Variants in TMEM229B observed in about 807,000 individuals in gnomAD.
TMEM229B encodes transmembrane protein 229B.
A neutral mutation model predicts 13.7 loss-of-function variants in TMEM229B; 6 were observed. The observed-to-expected ratio is 0.44, with a 90% CI of 0.24 to 0.86. TMEM229B has a LOEUF of 0.86. Ranked by LOEUF, TMEM229B falls within the 40% of genes least tolerant of loss-of-function variation. TMEM229B has a pLI of 0.23. For synonymous variants in TMEM229B, 107 were observed against 102.1 expected (o/e 1.05, Z -0.29); for missense variants, 170 against 236.0 (o/e 0.72, Z 1.83).
chr14:67,530,654 T>C lies in TMEM229B; in HGVS notation c.-192+2982A>G, dbSNP rs1284914089. ...TATACACCCAAGGGCTTAATGTGCTTGAGGGATGCTAGAAATAATCTTTTA... is the reference window on the plus strand; with the variant it reads ...TATACACCCAAGGGCTTAATGTGCTCGAGGGATGCTAGAAATAATCTTTTA... On this transcript the variant is annotated intron_variant, in intron 1 of 2. Coordinates refer to the TMEM229B transcript ENST00000554278. Among the ~76,000 whole-genome samples the C allele has an allele frequency of 2.6e-5, 4 of 152,190 alleles. No homozygotes were observed. In the East Asian group the frequency reaches 5.8e-4, roughly 22 times the overall value.
chr14:67,525,573 G>A (rs912628099), intron 1 of TMEM229B, among the ~76,000 whole-genome samples: 4 of 152,176 alleles, frequency 2.6e-5, no homozygotes, highest in East Asian at 1.9e-4. Context: ...AAGAAAGGAC[G>A]CAAGAATCAC....
chr14:67,532,343 C>A (rs951659273), intron 1 of TMEM229B, among the ~76,000 whole-genome samples: 3 of 152,190 alleles, frequency 2.0e-5, no homozygotes, highest in African/African-American at 7.2e-5. Context: ...TGACAGAGAG[C>A]CTGCAGGGTT....
chr14:67,473,713 A>G lies in TMEM229B; in HGVS notation c.211T>C (p.Cys71Arg). Reference sequence around the variant, plus strand: ...ATGAGGCAGCGCAGGAGCAGCGGGCAGCGGCCGCGCAGCCGCAGGTACATG... The same window carrying G: ...ATGAGGCAGCGCAGGAGCAGCGGGCGGCGGCCGCGCAGCCGCAGGTACATG... ...ERMYLRLRGR[C>R]PLLLRCLIYT... The change falls in exon 3 of 3, where the codon TGC becomes CGC. Residue 71 changes from cysteine to arginine, a missense_variant. This residue lies in a region of TMEM229B where 57 missense variants were observed against 66.7 expected (regional missense o/e 0.85). Transcript: ENST00000554480. The surrounding 1 kb of genome is among the most constrained non-coding windows in gnomAD (Gnocchi z 6.5). The G allele has an allele frequency of 6.2e-7, 1 of 1,602,322 alleles. No homozygotes were observed.
chr14:67,480,107 C>T (rs566119480), intron 2 of TMEM229B, among the ~76,000 whole-genome samples: 1 of 152,242 alleles, frequency 6.6e-6, no homozygotes, highest in Non-Finnish European at 1.5e-5. Context: ...ATATACACTA[C>T]TTAAAATACA....
At chr14:67,511,202 G>A (rs1441487034) in intron 1 of TMEM229B, among the ~76,000 whole-genome samples, 1 of 152,162 alleles carries the variant, frequency 6.6e-6, no homozygotes, top group African/African-American at 2.4e-5. Context: ...AAGTCTAACT[G>A]CAAAAGCAGT....
chr14:67,530,134 A>G (rs946287706), intron 1 of TMEM229B, among the ~76,000 whole-genome samples: 31 of 152,204 alleles, frequency 2.0e-4, no homozygotes, highest in African/African-American at 7.5e-4. Flanking sequence ...AATCTTGTAA[A>G]CAGAGATTTA....
chr14:67,517,535 C>G (rs912824312), upstream of TMEM229B, among the ~76,000 whole-genome samples: 3 of 152,102 alleles, frequency 2.0e-5, no homozygotes, highest in African/African-American at 7.2e-5. Context: ...CAGAGAAGCT[C>G]TATTGTAGAA....
At chr14:67,487,444 A>C (rs1186383684) in intron 1 of TMEM229B, among the ~76,000 whole-genome samples, 1 of 152,204 alleles carries the variant, frequency 6.6e-6, no homozygotes, top group Non-Finnish European at 1.5e-5. Flanking sequence ...ACACTTGTGA[A>C]TCTGAGAGGG....
chr14:67,480,083 G>A (rs145774167), intron 2 of TMEM229B, among the ~76,000 whole-genome samples: 19 of 152,330 alleles, frequency 1.2e-4, no homozygotes, highest in African/African-American at 4.3e-4. Context: ...TTGTGAGGAC[G>A]AATGAACTCG....
chr14:67,526,022 G>C (rs2033362866), intron 1 of TMEM229B, among the ~76,000 whole-genome samples: 1 of 152,222 alleles, frequency 6.6e-6, no homozygotes, highest in Non-Finnish European at 1.5e-5. Context: ...TGCCTGCTCT[G>C]CTCCATCACC....
intron 2 of TMEM229B, among the ~76,000 whole-genome samples, chr14:67,477,873 C>T (rs1292768493): frequency 6.6e-6 from 1 of 152,176 alleles, no homozygotes; most frequent in African/African-American, 2.4e-5. Flanking sequence ...CAGTTAGAAC[C>T]AGCGGTCTCA....
upstream of TMEM229B, chr14:67,515,633 G>T (rs559221090): frequency 6.6e-6 from 1 of 152,312 alleles, no homozygotes; most frequent in African/African-American, 2.4e-5. Flanking sequence ...CCAGGGCCGC[G>T]GCGCAGGTGG....
At chr14:67,524,324 G>A (rs552524779) in intron 1 of TMEM229B, among the ~76,000 whole-genome samples, 23 of 152,188 alleles carry the variant, frequency 1.5e-4, no homozygotes, top group African/African-American at 2.2e-4. Flanking sequence ...AATCCCTGTC[G>A]TAACTGCTAA....
At chr14:67,510,737 G>C (rs2032997843) in intron 1 of TMEM229B, among the ~76,000 whole-genome samples, 1 of 152,168 alleles carries the variant, frequency 6.6e-6, no homozygotes, top group African/African-American at 2.4e-5. Flanking sequence ...AAGGGGAAGA[G>C]AGATACTAAG....
At chr14:67,496,388 G>A (rs1156966615) in intron 1 of TMEM229B, among the ~76,000 whole-genome samples, 1 of 54,664 alleles carries the variant, frequency 1.8e-5, no homozygotes, top group Non-Finnish European at 4.3e-5. Flanking sequence ...CCACTGCTCC[G>A]GCGTTTTTTT....
At chr14:67,509,828 G>A (rs552887164) in intron 1 of TMEM229B, among the ~76,000 whole-genome samples, 2 of 152,034 alleles carry the variant, frequency 1.3e-5, no homozygotes, top group Admixed American at 6.6e-5. Context: ...GCAACATAGC[G>A]AGTTATAAAG....
At chr14:67,475,422 G>C (rs2031121470) in intron 2 of TMEM229B, among the ~76,000 whole-genome samples, 1 of 152,154 alleles carries the variant, frequency 6.6e-6, no homozygotes, top group Admixed American at 6.5e-5. Context: ...GGAAATACTG[G>C]ATCATATGGT....
chr14:67,523,137 A>G (rs897619138), intron 1 of TMEM229B, among the ~76,000 whole-genome samples: 4 of 152,166 alleles, frequency 2.6e-5, no homozygotes, highest in African/African-American at 9.7e-5. Context: ...AGCCTGGCCA[A>G]CATGGTGAAA....
chr14:67,508,135 C>CAAAAAAAAAAAAAAAAAAAAAA (rs34715322), intron 1 of TMEM229B, among the ~76,000 whole-genome samples: 3 of 130,630 alleles, frequency 2.3e-5, no homozygotes, highest in African/African-American at 9.0e-5. Context: ...AACTCCATCT[C>CAAAAAAAAAAAAAAAAAAAAAA]AAAAAAAAAA....
Sources: gnomAD v4.1 joint callset for allele counts (sites outside exome capture counted in the v4.1 genomes callset) on GRCh38, gnomAD v4.1.1 for gene constraint, gnomAD v4.1.1 regional missense constraint, Gnocchi (gnomAD v3.1) non-coding constraint, MANE v1.5 for transcripts, NCBI Gene and HGNC (gene_info 2026-07-23, HGNC 2026-07-21) for gene names.